Variants in ST7L observed in about 807,000 individuals in gnomAD.
ST7L encodes suppression of tumorigenicity 7 like, also known as suppressor of tumorigenicity 7 protein-like.
Under a neutral mutation model 72.5 loss-of-function variants are expected in ST7L, and 57 were observed. The observed-to-expected ratio is 0.79, with a 90% confidence interval of 0.64 to 0.98. The LOEUF (loss-of-function observed/expected upper bound fraction) is 0.98. Ranked by LOEUF, ST7L falls within the 50% of genes least tolerant of loss-of-function variation. The pLI, the probability that ST7L is intolerant of heterozygous loss-of-function variation, is 0.00. For synonymous variants in ST7L, 221 were observed against 240.9 expected (o/e 0.92, Z 0.77); for missense variants, 576 against 672.2 (o/e 0.86, Z 1.58).
At chr1:112,532,262 T>C (rs914757564) in intron 14 of ST7L, among the ~76,000 whole-genome samples, 5 of 152,208 alleles carry the variant, frequency 3.3e-5, no homozygotes, top group Non-Finnish European at 1.5e-5. Flanking sequence ...AGAGAACATT[T>C]TTCTATCTCA....
chr1:112,584,114 T>G lies in ST7L; in HGVS notation c.714A>C (p.Ala238=). 1 of 1,613,406 alleles carries G rather than the reference T, an allele frequency of 6.2e-7. No individual in the cohort carries two copies. The highest frequency in any genetic ancestry group is 8.5e-7 in the Non-Finnish European group (1 of 1,179,846). Residue 238 remains alanine, a synonymous_variant, in exon 7 of 15, where the codon GCA becomes GCC. Coordinates refer to ENST00000358039, the MANE Select transcript of ST7L (RefSeq NM_017744.5). The part of the protein sequence containing the change: ...ALELNNDCAT[A]YVLLAEEEAT... ...CTTCTTCCTCAGCCAGTAGAACATATGCAGTGGCACAGCTATGAAGAAAGC... is the reference window on the plus strand; with the variant it reads ...CTTCTTCCTCAGCCAGTAGAACATAGGCAGTGGCACAGCTATGAAGAAAGC...
At chr1:112,588,489 T>C (rs1366916599) in intron 6 of ST7L, among the ~76,000 whole-genome samples, 1 of 152,212 alleles carries the variant, frequency 6.6e-6, no homozygotes, top group Non-Finnish European at 1.5e-5. Flanking sequence ...CATCATAAAA[T>C]GGTGTTAGAT....
At chr1:112,520,392 C>G (rs141296639), downstream of ST7L, 1,540 of 1,614,120 alleles carry the variant, frequency 9.5e-4, 2 homozygotes, top group Admixed American at 1.7e-3. Context: ...CCCGTGTTAC[C>G]CAGTGTGAGT....
chr1:112,611,063 T>C, intron 2 of ST7L, 60 bp from the exon 3 acceptor site: 1 of 1,539,836 alleles, frequency 6.5e-7, no homozygotes, highest in Non-Finnish European at 8.8e-7. Flanking sequence ...TGAGCTCAAA[T>C]TAAAACATTC....
intron 13 of ST7L, among the ~76,000 whole-genome samples, chr1:112,547,459 C>T (rs12040657): frequency 6.7e-6 from 1 of 150,326 alleles, no homozygotes; most frequent in African/African-American, 2.4e-5. Flanking sequence ...TCCCAAAGTT[C>T]TGGGATTACA....
At chr1:112,618,556 T>C (rs934549510) in intron 1 of ST7L, among the ~76,000 whole-genome samples, 19 of 152,218 alleles carry the variant, frequency 1.2e-4, no homozygotes, top group African/African-American at 4.6e-4. Context: ...GTAGTGACTT[T>C]TAAGGGATCC....
chr1:112,584,776 C>T (rs1664637118), intron 6 of ST7L, among the ~76,000 whole-genome samples: 1 of 152,182 alleles, frequency 6.6e-6, no homozygotes, highest in Non-Finnish European at 1.5e-5. Flanking sequence ...GCGTGAGCCA[C>T]CATGCCCGGT....
At chr1:112,608,599 A>G (rs972028171) in intron 3 of ST7L, among the ~76,000 whole-genome samples, 1 of 152,240 alleles carries the variant, frequency 6.6e-6, no homozygotes, top group African/African-American at 2.4e-5. Context: ...CTTACAATGG[A>G]AAATAAAATC....
chr1:112,528,296 CATT>C (rs1653790512), intron 14 of ST7L: 2 of 152,178 alleles, frequency 1.3e-5, no homozygotes, highest in Admixed American at 1.3e-4. Context: ...AGCAAGTACA[CATT>C]ATATACACTG....
chr1:112,520,242 G>A (rs1652794305), downstream of ST7L: 14 of 1,584,400 alleles, frequency 8.8e-6, no homozygotes, highest in African/African-American at 1.3e-5. Context: ...CAGCTGAAGA[G>A]ATAACTTTGT....
chr1:112,549,008 T>C (rs1000317741), intron 13 of ST7L, among the ~76,000 whole-genome samples: 2 of 151,842 alleles, frequency 1.3e-5, no homozygotes, highest in Non-Finnish European at 2.9e-5. Context: ...TTTGTGTGTG[T>C]GTGTGTGTGT....
intron 3 of ST7L, among the ~76,000 whole-genome samples, chr1:112,608,881 T>C (rs747314476): frequency 6.6e-6 from 1 of 152,208 alleles, no homozygotes; most frequent in East Asian, 1.9e-4. Flanking sequence ...GTGCCACCAG[T>C]TGCACTCAGG....
At chr1:112,560,900 T>C (rs1162114251) in intron 11 of ST7L, among the ~76,000 whole-genome samples, 1 of 151,446 alleles carries the variant, frequency 6.6e-6, no homozygotes, top group Non-Finnish European at 1.5e-5. Flanking sequence ...GAGGCAGGGG[T>C]TGCAGTAAGC....
chr1:112,555,732 A>G (rs1377506237), intron 12 of ST7L, 136 bp downstream of exon 12: 1 of 723,836 alleles, frequency 1.4e-6, no homozygotes, highest in African/African-American at 1.8e-5. Flanking sequence ...CAAATATCTC[A>G]TCACTAATTT....
chr1:112,597,184 G>GT (rs1040604549), intron 5 of ST7L, among the ~76,000 whole-genome samples: 2 of 152,178 alleles, frequency 1.3e-5, no homozygotes, highest in African/African-American at 4.8e-5. Context: ...AAAACAAAAT[G>GT]TTTAATTCTA....
chr1:112,562,228 G>T (rs1269397379), intron 11 of ST7L, among the ~76,000 whole-genome samples: 1 of 151,862 alleles, frequency 6.6e-6, no homozygotes, highest in East Asian at 1.9e-4. Context: ...TTGGCCTCTT[G>T]AAGTGCTGGG....
chr1:112,523,646 A>G lies in ST7L; in HGVS notation c.*2367T>C, dbSNP rs1653003973. The G allele has an allele frequency of 6.6e-6, 1 of 152,188 alleles. No individual in the cohort carries two copies. Among genetic ancestry groups the G allele is most frequent in the African/African-American group, 2.4e-5 (1 of 41,438 alleles). 9.4% of individuals were successfully genotyped at this position (152,188 alleles called of 1,614,324 possible). A position where few individuals can be genotyped will look rare whatever the true frequency, so the allele number is the denominator to read the frequency against. ...TTGATAGAGGTCTGTCCCTCAGATC[A>G]GCAATGTCTTAGCCCCTCTCCTCTC... On this transcript the variant is annotated 3_prime_UTR_variant, in exon 15 of 15. Transcript: ENST00000358039.
chr1:112,575,835 TG>T (rs1663012277), intron 11 of ST7L, among the ~76,000 whole-genome samples: 1 of 152,214 alleles, frequency 6.6e-6, no homozygotes, highest in South Asian at 2.1e-4. Flanking sequence ...AATGAGAGAA[TG>T]GTATAAATAT....
chr1:112,518,651 A>G (rs949595095), downstream of ST7L, among the ~76,000 whole-genome samples: 1 of 152,322 alleles, frequency 6.6e-6, no homozygotes, highest in South Asian at 2.1e-4. Flanking sequence ...TCTGAGGTGT[A>G]AACCTATACT....
Sources: allele counts gnomAD v4.1 joint callset (sites outside exome capture counted in the v4.1 genomes callset), GRCh38; gene constraint gnomAD v4.1.1; transcripts MANE v1.5; gene names NCBI Gene and HGNC (gene_info 2026-07-23, HGNC 2026-07-21).